RNF10: variants seen among roughly 807,000 people sequenced by gnomAD.
RNF10 encodes the protein E3 ubiquitin-protein ligase RNF10.
A neutral mutation model predicts 91.4 loss-of-function variants in RNF10; 38 were observed. That is an observed-to-expected ratio of 0.42 (90% CI 0.32 to 0.54). The LOEUF (loss-of-function observed/expected upper bound fraction) is 0.54, where lower values mean the gene tolerates loss of function less well. RNF10 is among the 20% of genes least tolerant of loss of function. The probability of loss-of-function intolerance (pLI) is 0.16; values close to 1 mark genes in which losing one functional copy is unlikely to be tolerated. For synonymous variants in RNF10, 364 were observed against 366.3 expected (o/e 0.99, Z 0.07); for missense variants, 945 against 1,012.0 (o/e 0.93, Z 0.90).
intron 6 of RNF10, among the ~76,000 whole-genome samples, chr12:120,557,915 T>C (rs1330050356): frequency 6.6e-6 from 1 of 152,204 alleles, no homozygotes; most frequent in Non-Finnish European, 1.5e-5. Flanking sequence ...TTTTATTACA[T>C]AGTGTCTTTC....
chr12:120,536,051 T>A (rs1870737727), intron 1 of RNF10, among the ~76,000 whole-genome samples: 1 of 152,110 alleles, frequency 6.6e-6, no homozygotes, highest in Non-Finnish European at 1.5e-5. Flanking sequence ...ACAGTGGGGA[T>A]GTTGTGGCAG....
intron 13 of RNF10, among the ~76,000 whole-genome samples, chr12:120,569,714 T>C (rs1876331864): frequency 6.6e-6 from 1 of 151,772 alleles, no homozygotes; most frequent in Non-Finnish European, 1.5e-5. Context: ...ATTTTTGTAT[T>C]TTTAGTAGAG....
intron 2 of RNF10, among the ~76,000 whole-genome samples, chr12:120,547,653 G>A (rs929096621): frequency 6.6e-6 from 1 of 152,114 alleles, no homozygotes; most frequent in African/African-American, 2.4e-5. Context: ...TGCAAGGGAC[G>A]GGAGGTGGTA....
At position 120,572,224 on chromosome 12, in the gene RNF10, G is replaced by A. The variant is rs549664478; in HGVS notation, c.2142+933G>A. Among the ~76,000 whole-genome samples the A allele has an allele frequency of 3.3e-5, 5 of 151,662 alleles. No homozygotes were observed. The South Asian group carries it at 1.0e-3, about 32-fold the overall frequency. Reference sequence around the variant, plus strand: ...TGGGACTATAGGCGCCTGCCACCACGCCCGGCTAATTTTTTGTATTTTTAG... The same window carrying A: ...TGGGACTATAGGCGCCTGCCACCACACCCGGCTAATTTTTTGTATTTTTAG... On this transcript the variant is annotated intron_variant, in intron 14 of 16. Transcript: ENST00000325954.
Position 120,567,077 on chromosome 12 carries a change from G to A in RNF10, c.2041+97G>A, listed in dbSNP as rs1272307691. The A allele has an allele frequency of 2.6e-6, 3 of 1,155,644 alleles. No individual in the cohort carries two copies. The East Asian group carries it at 7.4e-5, about 28-fold the overall frequency. 71.6% of individuals were successfully genotyped at this position (1,155,644 alleles called of 1,614,324 possible). On this transcript the variant is annotated intron_variant, in intron 13 of 16. Coordinates refer to ENST00000325954, the MANE Select transcript of RNF10 (RefSeq NM_014868.5). Reference sequence around the variant, plus strand: ...AACCCCGGCCCACTCAGCATGGTGTGGACTTCAGGGGCATAACCTTACTTT... The same window carrying A: ...AACCCCGGCCCACTCAGCATGGTGTAGACTTCAGGGGCATAACCTTACTTT...
intron 1 of RNF10, among the ~76,000 whole-genome samples, chr12:120,544,581 T>TGA (rs1406446711): frequency 6.6e-6 from 1 of 151,856 alleles, no homozygotes; most frequent in Non-Finnish European, 1.5e-5. Flanking sequence ...GGCTTGAGCC[T>TGA]GAGAGGTGGA....
intron 10 of RNF10, among the ~76,000 whole-genome samples, chr12:120,564,475 A>T (rs566739866): frequency 6.6e-6 from 1 of 152,112 alleles, no homozygotes; most frequent in Non-Finnish European, 1.5e-5. Flanking sequence ...ACAAAAAAAA[A>T]TTAGCTGGGT....
chr12:120,555,227 G>A (rs559575328), intron 4 of RNF10, among the ~76,000 whole-genome samples: 1 of 152,348 alleles, frequency 6.6e-6, no homozygotes, highest in Non-Finnish European at 1.5e-5. Flanking sequence ...TGTTGCCCAG[G>A]CTGGAGTACA....
At chr12:120,576,199 C>T (rs1031109896) in intron 16 of RNF10, among the ~76,000 whole-genome samples, 2 of 152,210 alleles carry the variant, frequency 1.3e-5, no homozygotes, top group African/African-American at 4.8e-5. Context: ...GTGGGGTGTA[C>T]AACCTGTATC....
chr12:120,563,777 A>G, intron 9 of RNF10, 33 bp from the exon 10 acceptor site: 1 of 1,612,660 alleles, frequency 6.2e-7, no homozygotes, highest in Non-Finnish European at 8.5e-7. Context: ...GGACTGGCCA[A>G]GACTGGTGTG....
intron 10 of RNF10, 111 bp downstream of exon 10, chr12:120,564,054 AT>A: frequency 8.1e-7 from 1 of 1,227,484 alleles, no homozygotes; most frequent in Non-Finnish European, 1.2e-6. Flanking sequence ...TAGTTTTTGT[AT>A]TTTTAGTCTT....
intron 1 of RNF10, among the ~76,000 whole-genome samples, chr12:120,536,381 G>A (rs1328723957): frequency 2.6e-5 from 4 of 152,132 alleles, no homozygotes; most frequent in Admixed American, 2.0e-4. Flanking sequence ...GCTATATCAC[G>A]ATACTGCATA....
chr12:120,572,130 G>A (rs996364035), intron 14 of RNF10, among the ~76,000 whole-genome samples: 6 of 150,974 alleles, frequency 4.0e-5, no homozygotes, highest in Non-Finnish European at 5.9e-5. Flanking sequence ...TCCGTGGCGC[G>A]ATCTTGGCTT....
At chr12:120,558,301 G>T (rs1874320916) in intron 6 of RNF10, among the ~76,000 whole-genome samples, 1 of 151,952 alleles carries the variant, frequency 6.6e-6, no homozygotes, top group Admixed American at 6.6e-5. Context: ...AGAAAATATA[G>T]GACAATTTCT....
At chr12:120,551,185 T>C (rs998982561) in intron 2 of RNF10, among the ~76,000 whole-genome samples, 4 of 151,506 alleles carry the variant, frequency 2.6e-5, no homozygotes, top group African/African-American at 9.7e-5. Context: ...ATGGGATCCC[T>C]GTGTTGTCTA....
intron 11 of RNF10, 96 bp downstream of exon 11, chr12:120,565,285 A>G: frequency 8.7e-7 from 1 of 1,143,736 alleles, no homozygotes; most frequent in Non-Finnish European, 1.3e-6. Context: ...GAACTGTATC[A>G]TGAGTCTTAG....
Position 120,554,825 on chromosome 12 carries a change from A to G in RNF10, c.645+17A>G, listed in dbSNP as rs747463113. On this transcript the variant is annotated intron_variant, in intron 4 of 16. Transcript: ENST00000325954. Reference sequence around the variant, plus strand: ...GAACAAGTGGTGAGTAGCTCAGCCAAGCCCATAAGCTATGAATGGGAGCAC... The same window carrying G: ...GAACAAGTGGTGAGTAGCTCAGCCAGGCCCATAAGCTATGAATGGGAGCAC... 2 of 1,596,604 alleles carry G rather than the reference A, an allele frequency of 1.3e-6. No individual in the cohort carries two copies. The highest frequency in any genetic ancestry group is 4.5e-5 in the East Asian group (2 of 44,796).
At chr12:120,563,698 G>C (rs1446283104) in intron 9 of RNF10, 75 bp downstream of exon 9, 1 of 1,572,098 alleles carries the variant, frequency 6.4e-7, no homozygotes. Flanking sequence ...AAGCAGAGGA[G>C]CGCCACTAGA....
At position 120,563,419 on chromosome 12, in the gene RNF10, C is replaced by T; in HGVS notation, c.1327C>T (p.Pro443Ser). The T allele has an allele frequency of 6.2e-7, 1 of 1,614,128 alleles. No individual in the cohort carries two copies. The highest frequency in any genetic ancestry group is 8.5e-7 in the Non-Finnish European group (1 of 1,180,012). The change falls in exon 9 of 17, where the codon CCT (proline) becomes TCT (serine). Residue 443 changes from proline to serine, a missense_variant. By Grantham distance (74) the Pro-to-Ser change is moderately conservative (BLOSUM62 -1). Coordinates refer to ENST00000325954, the MANE Select transcript of RNF10 (RefSeq NM_014868.5). ...EVCSLDTPSRPLALPLVEEEE... is the reference protein window; with the variant it reads ...EVCSLDTPSRSLALPLVEEEE... ...TTGTTCTCTGGACACTCCTTCTAGACCTCTTGCTCTCCCTCTGGTAGAAGA... is the reference window on the plus strand; with the variant it reads ...TTGTTCTCTGGACACTCCTTCTAGATCTCTTGCTCTCCCTCTGGTAGAAGA...
Sources: gnomAD v4.1 joint callset for allele counts (sites outside exome capture counted in the v4.1 genomes callset) on GRCh38, gnomAD v4.1.1 for gene constraint, MANE v1.5 for transcripts, NCBI Gene and HGNC (gene_info 2026-07-23, HGNC 2026-07-21) for gene names.